The following NARS2 variants were observed in gnomAD, a reference collection of about 807,000 sequenced individuals.
NARS2 encodes the protein asparaginyl-tRNA synthetase 2, mitochondrial, also known as asparaginyl-tRNA synthetase.
NARS2 carries 60 observed loss-of-function variants against 62.9 expected under a neutral mutation model. The ratio of observed to expected loss-of-function variants is 0.95; its 90% CI spans 0.77 to 1.18. NARS2 has a LOEUF of 1.18. Among genes scored for constraint, NARS2 ranks in the 50% most tolerant of loss-of-function variants. NARS2 has a pLI of 0.00. For synonymous variants in NARS2, 196 were observed against 200.0 expected, an observed-to-expected ratio of 0.98 and a Z score of 0.17; for missense variants, 619 against 576.4, an observed-to-expected ratio of 1.07 and a Z score of -0.76.
intron 5 of NARS2, among the ~76,000 whole-genome samples, chr11:78,532,588 C>T (rs759200134): frequency 5.9e-5 from 9 of 152,296 alleles, no homozygotes; most frequent in Admixed American, 2.6e-4. Context: ...CTAGCTCATA[C>T]GGGCAAGTCA....
chr11:78,451,990 G>A (rs546607723), intron 11 of NARS2, among the ~76,000 whole-genome samples: 32 of 152,254 alleles, frequency 2.1e-4, no homozygotes, highest in Non-Finnish European at 3.8e-4. Context: ...TTTGCCCTGG[G>A]AAATGAGCTG....
intron 10 of NARS2, among the ~76,000 whole-genome samples, chr11:78,466,590 C>T (rs983814600): frequency 2.0e-5 from 3 of 152,082 alleles, no homozygotes; most frequent in African/African-American, 7.2e-5. Flanking sequence ...AAGTGATTCT[C>T]CTGCCTCAGC....
At chr11:78,523,931 T>C (rs184975947) in intron 6 of NARS2, among the ~76,000 whole-genome samples, 173 of 152,262 alleles carry the variant, frequency 1.1e-3, no homozygotes, top group Admixed American at 1.8e-3. Context: ...TACTTGAATA[T>C]CTTCAAAATA....
At chr11:78,505,269 T>TACACACACACACACACAC (rs10533814) in intron 6 of NARS2, among the ~76,000 whole-genome samples, 1 of 133,344 alleles carries the variant, frequency 7.5e-6, no homozygotes, top group Non-Finnish European at 1.6e-5. Flanking sequence ...GAAAACAAAA[T>TACACACACACACACACAC]ACACACACAC....
intron 7 of NARS2, among the ~76,000 whole-genome samples, chr11:78,480,288 C>A (rs116975634): frequency 6.6e-6 from 1 of 151,932 alleles, no homozygotes; most frequent in South Asian, 2.1e-4. Flanking sequence ...TTTTTTTAGA[C>A]GGAGTCTTGC....
intron 4 of NARS2, among the ~76,000 whole-genome samples, chr11:78,563,648 T>C (rs936065250): frequency 1.5e-4 from 23 of 149,580 alleles, no homozygotes; most frequent in Admixed American, 6.0e-4. Flanking sequence ...CTGGCCAACA[T>C]AGTGAAACCC....
chr11:78,572,461 T>TC (rs1274576068), intron 1 of NARS2, among the ~76,000 whole-genome samples: 3 of 152,180 alleles, frequency 2.0e-5, no homozygotes, highest in African/African-American at 7.2e-5. Context: ...ACTTCAAAGT[T>TC]CATGTTCTTA....
chr11:78,521,876 C>T (rs1861141148), intron 6 of NARS2, among the ~76,000 whole-genome samples: 1 of 150,760 alleles, frequency 6.6e-6, no homozygotes, highest in South Asian at 2.1e-4. Flanking sequence ...GAATTCAGAT[C>T]TTTATTTTTC....
intron 5 of NARS2, among the ~76,000 whole-genome samples, chr11:78,537,482 T>C (rs1855401634): frequency 6.6e-6 from 1 of 152,166 alleles, no homozygotes; most frequent in South Asian, 2.1e-4. Flanking sequence ...TCTAGAAGTT[T>C]CAGAATTAGA....
At chr11:78,510,344 A>G (rs1860674852) in intron 6 of NARS2, among the ~76,000 whole-genome samples, 1 of 152,210 alleles carries the variant, frequency 6.6e-6, no homozygotes, top group Non-Finnish European at 1.5e-5. Context: ...CTATTATCAA[A>G]CAAAACAGAC....
chr11:78,444,123 A>G (rs1381251040), intron 11 of NARS2: 1 of 158,754 alleles, frequency 6.3e-6, no homozygotes, highest in Non-Finnish European at 1.4e-5. Flanking sequence ...ATAAAAACTT[A>G]CCACTTGTCT....
chr11:78,481,040 C>G (rs545112113), intron 7 of NARS2, among the ~76,000 whole-genome samples: 2 of 152,178 alleles, frequency 1.3e-5, no homozygotes, highest in South Asian at 4.1e-4. Flanking sequence ...AGGCTGGTCT[C>G]TAACTCCTGG....
intron 11 of NARS2, among the ~76,000 whole-genome samples, chr11:78,453,748 C>T (rs993040405): frequency 1.3e-4 from 20 of 152,140 alleles, no homozygotes; most frequent in African/African-American, 4.8e-4. Flanking sequence ...CTGAAATACA[C>T]AGTATTTTGG....
chr11:78,508,915 G>C (rs758309617), intron 6 of NARS2, among the ~76,000 whole-genome samples: 1 of 152,002 alleles, frequency 6.6e-6, no homozygotes, highest in Non-Finnish European at 1.5e-5. Context: ...CGGAGTTTGA[G>C]ACCAGCCTGG....
chr11:78,557,710 T>TTTTTTTTTCCTATTATTCCTA (rs1856406047), intron 5 of NARS2, among the ~76,000 whole-genome samples: 1 of 151,742 alleles, frequency 6.6e-6, no homozygotes, highest in Non-Finnish European at 1.5e-5. Flanking sequence ...CAGAAATACA[T>TTTTTTTTTCCTATTATTCCTA]TTTTTTCCTC....
chr11:78,448,091 T>C (rs1420887694), intron 11 of NARS2, among the ~76,000 whole-genome samples: 2 of 152,180 alleles, frequency 1.3e-5, no homozygotes, highest in Non-Finnish European at 2.9e-5. Context: ...GTGAAGGATC[T>C]GCTAATTAGT....
intron 11 of NARS2, among the ~76,000 whole-genome samples, chr11:78,444,730 A>AAC (rs1565202564): frequency 1.3e-5 from 2 of 149,848 alleles, no homozygotes; most frequent in Admixed American, 6.6e-5. Flanking sequence ...AACAAAACAA[A>AAC]AAAAAAAAAA....
intron 7 of NARS2, among the ~76,000 whole-genome samples, chr11:78,481,960 A>C (rs1039273037): frequency 2.6e-5 from 4 of 152,138 alleles, no homozygotes; most frequent in African/African-American, 9.7e-5. Context: ...GTACCAAATA[A>C]ATAAGAACTG....
At chr11:78,490,672 G>A (rs1171606892) in intron 7 of NARS2, among the ~76,000 whole-genome samples, 5 of 151,850 alleles carry the variant, frequency 3.3e-5, no homozygotes, top group Non-Finnish European at 7.4e-5. Flanking sequence ...TGTGGTGTGT[G>A]CCTACAGACC....
Sources: gnomAD v4.1 joint callset for allele counts (sites outside exome capture counted in the v4.1 genomes callset) on GRCh38, gnomAD v4.1.1 for gene constraint, MANE v1.5 for transcripts, NCBI Gene and HGNC (gene_info 2026-07-23, HGNC 2026-07-21) for gene names.